CELF4: variants seen among roughly 807,000 people sequenced by gnomAD.
CELF4 encodes the protein CUGBP Elav-like family member 4.
CELF4 carries 18 observed loss-of-function variants against 59.9 expected under a neutral mutation model. The ratio of observed to expected loss-of-function variants is 0.30; its 90% confidence interval spans 0.21 to 0.45. The LOEUF (loss-of-function observed/expected upper bound fraction) is 0.45. Among genes scored for constraint, CELF4 ranks in the 20% least tolerant of loss-of-function variants. CELF4 has a pLI of 1.00. For synonymous variants in CELF4, 261 were observed against 267.1 expected, an observed-to-expected ratio of 0.98 and a Z score of 0.22; for missense variants, 456 against 689.0, an observed-to-expected ratio of 0.66 and a Z score of 3.79.
chr18:37,431,852 C>T (rs2099668827), intron 2 of CELF4, among the ~76,000 whole-genome samples: 1 of 152,236 alleles, frequency 6.6e-6, no homozygotes, highest in Non-Finnish European at 1.5e-5. Context: ...CCAGCATGCC[C>T]AATCTACAGA....
At chr18:37,275,583 A>T in intron 3 of CELF4, 1 of 295,728 alleles carries the variant, frequency 3.4e-6, no homozygotes, top group Non-Finnish European at 6.5e-6. Context: ...CTGACCCCTC[A>T]CTAGAGCACA....
intron 2 of CELF4, among the ~76,000 whole-genome samples, chr18:37,347,535 C>T (rs898479773): frequency 2.0e-5 from 3 of 152,106 alleles, no homozygotes; most frequent in Non-Finnish European, 2.9e-5. Flanking sequence ...CTCTCTAGTT[C>T]GGGGCAGGTC....
chr18:37,261,640 T>G (rs73948854), intron 10 of CELF4, among the ~76,000 whole-genome samples: 3,541 of 152,332 alleles, frequency 0.023, 151 homozygotes, highest in African/African-American at 0.081. Context: ...GAGACCAATG[T>G]GGTCCAGCCC....
intron 7 of CELF4, 120 bp from the exon 8 acceptor site, chr18:37,271,037 C>T (rs2090978227): frequency 2.5e-6 from 2 of 798,694 alleles, no homozygotes; most frequent in Non-Finnish European, 3.9e-6. Context: ...AGACTTGGAC[C>T]TCACATACCA....
chr18:37,450,246 G>A (rs2099759423), intron 2 of CELF4, among the ~76,000 whole-genome samples: 1 of 152,068 alleles, frequency 6.6e-6, no homozygotes, highest in Non-Finnish European at 1.5e-5. Context: ...GTGTGTATGC[G>A]TGTGAGTGTT....
intron 3 of CELF4, among the ~76,000 whole-genome samples, chr18:37,309,436 GC>G (rs34233328): frequency 0.18 from 26,692 of 152,124 alleles, 2,835 homozygotes; most frequent in Middle Eastern, 0.25. Context: ...GAGGATTGAG[GC>G]CCCACTGGCT....
chr18:37,455,235 G>T (rs1178971672), intron 2 of CELF4, among the ~76,000 whole-genome samples: 1 of 152,232 alleles, frequency 6.6e-6, no homozygotes, highest in Non-Finnish European at 1.5e-5. Context: ...AGGCCTATCT[G>T]CTCACACCTT....
Position 37,373,161 on chromosome 18 carries a change from G to GTGAGTGGT in CELF4, c.370-51281_370-51280insACCACTCA, listed in dbSNP as rs2154565824. 2.0e-5 allele frequency among the ~76,000 whole-genome samples: 3 copies of GTGAGTGGT among 152,330 alleles called. No individual in the cohort carries two copies. In the South Asian group the frequency reaches 6.2e-4, roughly 32 times the overall value. ...GCCCTGGTGAGTGGTGGCAGAGCTG[G>GTGAGTGGT]GGCCACTGACTCTACTCTCTGTTGC... is the stretch of plus-strand genomic sequence containing the variant. On this transcript the variant is annotated intron_variant, in intron 2 of 12. Coordinates refer to ENST00000420428, the MANE Select transcript of CELF4 (RefSeq NM_020180.4).
At chr18:37,322,374 A>G (rs2097153398) in intron 2 of CELF4, among the ~76,000 whole-genome samples, 1 of 152,204 alleles carries the variant, frequency 6.6e-6, no homozygotes, top group Admixed American at 6.5e-5. Context: ...GAAGTGGCCT[A>G]TGGGTCAGGC....
chr18:37,381,083 C>T (rs2099034270), intron 2 of CELF4, among the ~76,000 whole-genome samples: 2 of 150,506 alleles, frequency 1.3e-5, no homozygotes, highest in Admixed American at 6.6e-5. Context: ...ATCCATCATC[C>T]CTCCATCTAC....
chr18:37,418,446 T>C (rs11872265), intron 2 of CELF4, among the ~76,000 whole-genome samples: 42,288 of 152,134 alleles, frequency 0.28, 6,108 homozygotes, highest in Admixed American at 0.32. Flanking sequence ...GTCTGTAGTT[T>C]TGGGGCCTTC....
chr18:37,414,600 C>T (rs1049477991), intron 2 of CELF4, among the ~76,000 whole-genome samples: 1 of 149,366 alleles, frequency 6.7e-6, no homozygotes, highest in Non-Finnish European at 1.5e-5. Flanking sequence ...CAGGTTCATG[C>T]CATTCTCCTG....
chr18:37,279,810 A>G (rs1002068923), intron 3 of CELF4, among the ~76,000 whole-genome samples: 1 of 152,208 alleles, frequency 6.6e-6, no homozygotes, highest in African/African-American at 2.4e-5. Flanking sequence ...CAAGGGTTTC[A>G]TGCTTTTCCA....
Position 37,565,643 on chromosome 18 carries a change from G to A in CELF4, c.-2C>T. The A allele has an allele frequency of 6.3e-7, 1 of 1,576,906 alleles. No homozygotes were observed. The highest frequency in any genetic ancestry group is 8.6e-7 in the Non-Finnish European group (1 of 1,160,712). On this transcript the variant is annotated 5_prime_UTR_variant, in exon 1 of 13. Coordinates refer to ENST00000420428, the MANE Select transcript of CELF4 (RefSeq NM_020180.4). ...TAACGTGGCCATCTTTATATACATAGAGAAAATCTTCTTTCCTTTTATTCT... is the reference window on the plus strand; with the variant it reads ...TAACGTGGCCATCTTTATATACATAAAGAAAATCTTCTTTCCTTTTATTCT...
intron 2 of CELF4, among the ~76,000 whole-genome samples, chr18:37,425,267 A>G (rs2099604728): frequency 6.6e-6 from 1 of 152,216 alleles, no homozygotes; most frequent in South Asian, 2.1e-4. Flanking sequence ...TGATGACAGG[A>G]TTGTAGTCCT....
intron 10 of CELF4, among the ~76,000 whole-genome samples, chr18:37,262,342 T>C (rs1278828437): frequency 1.4e-5 from 2 of 145,104 alleles, no homozygotes; most frequent in African/African-American, 2.6e-5. Context: ...AAGGAGAGGC[T>C]GGAGCCAGGA....
intron 2 of CELF4, among the ~76,000 whole-genome samples, chr18:37,410,250 C>T (rs1488022199): frequency 6.6e-6 from 1 of 152,248 alleles, no homozygotes; most frequent in African/African-American, 2.4e-5. Flanking sequence ...AATCTACTCT[C>T]TCCCCTGTCT....
At chr18:37,248,269 G>C (rs1433151949) in intron 12 of CELF4, among the ~76,000 whole-genome samples, 2 of 152,180 alleles carry the variant, frequency 1.3e-5, no homozygotes, top group African/African-American at 4.8e-5. Flanking sequence ...AACATGCCTT[G>C]GCACTACTGA....
chr18:37,525,458 C>T (rs1484573654), intron 1 of CELF4, among the ~76,000 whole-genome samples: 2 of 151,966 alleles, frequency 1.3e-5, no homozygotes, highest in Non-Finnish European at 2.9e-5. Flanking sequence ...GGAAGCTGCC[C>T]GGCATGTCTG....
Sources: allele counts gnomAD v4.1 joint callset (sites outside exome capture counted in the v4.1 genomes callset), GRCh38; gene constraint gnomAD v4.1.1; transcripts MANE v1.5; gene names NCBI Gene and HGNC (gene_info 2026-07-23, HGNC 2026-07-21).